The following CCDC18 variants were observed in gnomAD, a reference collection of about 807,000 sequenced individuals.
CCDC18 encodes coiled-coil domain containing 18.
In CCDC18, 157 loss-of-function variants were observed where a neutral mutation model predicts 196.0. The ratio of observed to expected loss-of-function variants is 0.80; its 90% CI spans 0.70 to 0.91. The LOEUF (loss-of-function observed/expected upper bound fraction) is 0.91, where lower values mean the gene tolerates loss of function less well. Ranked by LOEUF, CCDC18 falls within the 40% of genes least tolerant of loss-of-function variation. The pLI is 0.00. For missense variants in CCDC18, 1,465 were observed against 1,611.6 expected (o/e 0.91, Z 1.56); for synonymous variants, 482 against 529.2 (o/e 0.91, Z 1.22).
intron 27 of CCDC18, among the ~76,000 whole-genome samples, chr1:93,267,476 C>T (rs549644895): frequency 1.3e-5 from 2 of 152,180 alleles, no homozygotes; most frequent in Admixed American, 6.5e-5. Flanking sequence ...AAAGGGTATT[C>T]AATTAGGAAA....
intron 1 of CCDC18, 63 bp downstream of exon 1, chr1:93,180,915 G>T (rs1023800936): frequency 7.4e-7 from 1 of 1,345,540 alleles, no homozygotes; most frequent in Non-Finnish European, 9.9e-7. Context: ...GGGGAAACCG[G>T]CTTACCTGGG....
intron 13 of CCDC18, among the ~76,000 whole-genome samples, chr1:93,217,528 G>A (rs1027017297): frequency 6.6e-6 from 1 of 151,958 alleles, no homozygotes; most frequent in African/African-American, 2.4e-5. Context: ...CACTACAGCC[G>A]TGTCCTCCCA....
chr1:93,246,370 TA>T (rs1397169523), intron 22 of CCDC18, among the ~76,000 whole-genome samples, 166 bp downstream of exon 22: 4 of 152,214 alleles, frequency 2.6e-5, no homozygotes, highest in Non-Finnish European at 5.9e-5. Context: ...TTTATCTTGA[TA>T]TTTTTCTAGC....
At chr1:93,249,062 T>C (rs183125240) in intron 23 of CCDC18, among the ~76,000 whole-genome samples, 1 of 152,234 alleles carries the variant, frequency 6.6e-6, no homozygotes, top group East Asian at 1.9e-4. Flanking sequence ...TTTAAATGTT[T>C]GGTAGAATTC....
At chr1:93,183,073 T>G (rs1279378665) in intron 1 of CCDC18, among the ~76,000 whole-genome samples, 1 of 152,184 alleles carries the variant, frequency 6.6e-6, no homozygotes, top group African/African-American at 2.4e-5. Context: ...TGAAAATAAT[T>G]AACAATTGTT....
At chr1:93,246,041 C>T in intron 21 of CCDC18, 64 bp from the exon 22 acceptor site, 2 of 1,110,342 alleles carry the variant, frequency 1.8e-6, no homozygotes, top group South Asian at 2.0e-5. Context: ...CCTGGTTGAC[C>T]TAACTTTTTA....
Position 93,186,493 on chromosome 1 carries a change from CAA to C in CCDC18, c.453_454del (p.Arg152SerfsTer7). 6.3e-7 allele frequency: 1 copy of C among 1,599,210 alleles called. No homozygotes were observed. The highest frequency in any genetic ancestry group is 8.5e-7 in the Non-Finnish European group (1 of 1,172,922). On this transcript the variant is annotated frameshift_variant, in exon 4 of 29. Coordinates refer to ENST00000690025, the MANE Select transcript of CCDC18 (RefSeq NM_001378204.1). LOFTEE classifies it high-confidence loss of function. ...TCTATTCACTTTGAATTAACACAGT[CAA>C]GAGCAAAAGTATGTATCTTGAAATA... is the stretch of plus-strand genomic sequence containing the variant.
At chr1:93,223,403 A>C (rs756055585) in intron 16 of CCDC18, among the ~76,000 whole-genome samples, 2 of 152,228 alleles carry the variant, frequency 1.3e-5, no homozygotes, top group African/African-American at 4.8e-5. Flanking sequence ...TATTTATAGC[A>C]GCAAAATAGA....
rs758982279 is a variant in CCDC18, at chr1:93,232,568, A to G, written c.2435A>G (p.Asp812Gly). Residue 812 changes from aspartate to glycine, a missense_variant, in exon 18 of 29, where the codon GAT (aspartate) becomes GGT (glycine). Coordinates refer to ENST00000690025, the MANE Select transcript of CCDC18 (RefSeq NM_001378204.1). The part of the protein sequence containing the change: ...QETIRNGELE[D>G]TQTKLEKQVS... Reference sequence around the variant, plus strand: ...ACAATTAGAAATGGAGAGCTAGAAGATACTCAAACTAAACTTGAAAAACAG... The same window carrying G: ...ACAATTAGAAATGGAGAGCTAGAAGGTACTCAAACTAAACTTGAAAAACAG... 6.2e-7 allele frequency: 1 copy of G among 1,606,660 alleles called. No homozygotes were observed. The highest frequency in any genetic ancestry group is 1.7e-4 in the Middle Eastern group (1 of 6,016).
At chr1:93,181,780 A>C (rs920491579) in intron 1 of CCDC18, among the ~76,000 whole-genome samples, 2 of 151,892 alleles carry the variant, frequency 1.3e-5, no homozygotes, top group Non-Finnish European at 2.9e-5. Context: ...ACCCCCGGCT[A>C]ATTTTTTTGT....
intron 1 of CCDC18, among the ~76,000 whole-genome samples, chr1:93,182,191 C>T (rs1571309159): frequency 1.3e-5 from 2 of 152,288 alleles, no homozygotes; most frequent in East Asian, 3.9e-4. Flanking sequence ...ATTAAGATTA[C>T]ATAGTATCTC....
In CCDC18 at chr1:93,239,721, G is replaced by C. The variant is rs2100831057; in HGVS notation, c.2806G>C (p.Glu936Gln). 1 of 1,613,566 alleles carries C rather than the reference G, an allele frequency of 6.2e-7. No homozygotes were observed. Among genetic ancestry groups the C allele is most frequent in the East Asian group, 2.2e-5 (1 of 44,830 alleles). ...AAAGTTACAGCACAGTACTGAAACT[G>C]AACTAACAGAAGCCTTGCAAAAACG... ...LEKLQHSTET[E>Q]LTEALQKREV... Residue 936 changes from glutamate to glutamine, a missense_variant, in exon 21 of 29, where the codon GAA (glutamate) becomes CAA (glutamine). Physicochemically the swap from Glu to Gln is conservative, Grantham distance 29. Transcript: ENST00000690025.
At chr1:93,216,180 T>C (rs1384084103) in intron 12 of CCDC18, among the ~76,000 whole-genome samples, 1 of 152,266 alleles carries the variant, frequency 6.6e-6, no homozygotes, top group Non-Finnish European at 1.5e-5. Context: ...TAATAAGTTT[T>C]TTAAATTACA....
intron 18 of CCDC18, among the ~76,000 whole-genome samples, chr1:93,233,427 A>G (rs1659546900): frequency 1.3e-5 from 2 of 152,330 alleles, no homozygotes; most frequent in Non-Finnish European, 2.9e-5. Flanking sequence ...AAAAGAAATC[A>G]AATTTACAGT....
intron 7 of CCDC18, among the ~76,000 whole-genome samples, chr1:93,204,591 T>C (rs1027940994): frequency 9.9e-5 from 15 of 152,140 alleles, no homozygotes; most frequent in Non-Finnish European, 2.1e-4. Flanking sequence ...AGCTACATGA[T>C]AAAATATTTT....
intron 26 of CCDC18, among the ~76,000 whole-genome samples, chr1:93,263,398 A>T (rs1664079024): frequency 6.6e-6 from 1 of 152,130 alleles, no homozygotes; most frequent in Non-Finnish European, 1.5e-5. Context: ...GTGAATGCAT[A>T]TGACTGTACA....
Position 93,197,775 on chromosome 1 carries a change from A to G in CCDC18, c.698+4031A>G, listed in dbSNP as rs1320893261. On this transcript the variant is annotated intron_variant, in intron 6 of 28. Coordinates refer to ENST00000690025, the MANE Select transcript of CCDC18 (RefSeq NM_001378204.1). ...TTTTTTTTTTTTTTTTTTTTGAGAC[A>G]GAGTCTCGCTCTGTCGCCCAGGCTG... Among the ~76,000 whole-genome samples, 68 of 120,372 alleles carry G rather than the reference A, an allele frequency of 5.6e-4. 1 individual carries two copies. Among genetic ancestry groups the G allele is most frequent in the South Asian group, 1.6e-3 (6 of 3,846 alleles). 79.0% of individuals were successfully genotyped at this position (120,372 alleles called of 152,430 possible). A position where few individuals can be genotyped will look rare whatever the true frequency, so the allele number is the denominator to read the frequency against.
chr1:93,206,936 A>G (rs575200849), intron 8 of CCDC18, among the ~76,000 whole-genome samples, 171 bp from the exon 9 acceptor site: 4 of 152,260 alleles, frequency 2.6e-5, no homozygotes, highest in Middle Eastern at 3.4e-3. Context: ...AATAGTGCCA[A>G]CCATATAAAG....
chr1:93,243,109 T>C (rs376115540), intron 21 of CCDC18, among the ~76,000 whole-genome samples: 72 of 152,218 alleles, frequency 4.7e-4, no homozygotes, highest in South Asian at 2.3e-3. Flanking sequence ...TGTATGGGGG[T>C]GCCCACCCCA....
Sources: allele counts gnomAD v4.1 joint callset (sites outside exome capture counted in the v4.1 genomes callset), GRCh38; gene constraint gnomAD v4.1.1; transcripts MANE v1.5; gene names NCBI Gene and HGNC (gene_info 2026-07-23, HGNC 2026-07-21).